The following DMD variants were observed in gnomAD, a reference collection of about 807,000 sequenced individuals.
DMD encodes the protein mutant dystrophin.
A neutral mutation model predicts 330.1 loss-of-function variants in DMD; 63 were observed. The ratio of observed to expected loss-of-function variants is 0.19; its 90% CI spans 0.16 to 0.24. The LOEUF (loss-of-function observed/expected upper bound fraction) is 0.24. Among genes scored for constraint, DMD ranks in the 10% least tolerant of loss-of-function variants. The pLI is 1.00. For synonymous variants in DMD, 1,223 were observed against 959.8 expected (o/e 1.27, Z -5.07); for missense variants, 3,344 against 2,684.1 (o/e 1.25, Z -5.43).
chrX:31,929,773 A>G, intron 46 of DMD, 28 bp from the exon 47 acceptor site: 1 of 1,207,221 alleles, frequency 8.3e-7, no homozygotes, highest in Non-Finnish European at 1.1e-6. Flanking sequence ...AACAACGTTT[A>G]AAATGAATTA....
chrX:32,881,465 T>C (rs2083935434), intron 2 of DMD, among the ~76,000 whole-genome samples: 1 of 111,974 alleles, frequency 8.9e-6, no homozygotes. Context: ...AAAAATATCT[T>C]CTATCAGAGG....
At chrX:31,351,145 TAGAC>T (rs1225955243) in intron 60 of DMD, among the ~76,000 whole-genome samples, 1 of 93,315 alleles carries the variant, frequency 1.1e-5, no homozygotes, top group Non-Finnish European at 2.0e-5. Context: ...CACACACACA[TAGAC>T]ATACATATAT....
At chrX:32,721,614 GAT>G (rs758887919) in intron 7 of DMD, among the ~76,000 whole-genome samples, 11 of 110,761 alleles carry the variant, frequency 9.9e-5, no homozygotes, top group Admixed American at 6.8e-4. Context: ...ACCCTTATCA[GAT>G]ATATGTTTTG....
intron 52 of DMD, among the ~76,000 whole-genome samples, chrX:31,695,572 A>G (rs1036519813): frequency 1.3e-5 from 1 of 79,236 alleles, no homozygotes; most frequent in Non-Finnish European, 2.3e-5. Context: ...CCAAAAAATT[A>G]AAAATAAAAA....
intron 16 of DMD, among the ~76,000 whole-genome samples, chrX:32,552,316 C>A (rs1195170074): frequency 9.0e-6 from 1 of 111,629 alleles, no homozygotes; most frequent in Non-Finnish European, 1.9e-5. Flanking sequence ...AATAAGGCTG[C>A]ACACCTACAA....
intron 7 of DMD, among the ~76,000 whole-genome samples, chrX:32,789,753 T>G (rs1459723616): frequency 8.9e-6 from 1 of 111,865 alleles, no homozygotes; most frequent in Non-Finnish European, 1.9e-5. Flanking sequence ...AGTATGGAAA[T>G]TATCTAGAAC....
intron 63 of DMD, among the ~76,000 whole-genome samples, chrX:31,249,513 G>A (rs1020999436): frequency 9.0e-6 from 1 of 111,702 alleles, no homozygotes; most frequent in Non-Finnish European, 1.9e-5. Flanking sequence ...CCAAAGTGTA[G>A]TCTTTTTTAT....
intron 9 of DMD, among the ~76,000 whole-genome samples, chrX:32,664,673 C>T (rs144120655): frequency 0.01 from 1,154 of 111,777 alleles, 16 homozygotes; most frequent in African/African-American, 0.036. Context: ...AAACTATTGA[C>T]GAAGCAGATG....
intron 7 of DMD, among the ~76,000 whole-genome samples, chrX:32,792,454 AG>A (rs1399429566): frequency 1.8e-5 from 2 of 112,187 alleles, no homozygotes; most frequent in African/African-American, 6.5e-5. Context: ...GAAAGAAATA[AG>A]CCCTCACATA....
intron 43 of DMD, among the ~76,000 whole-genome samples, chrX:32,280,121 A>T (rs1373465785): frequency 1.0e-5 from 1 of 97,728 alleles, no homozygotes; most frequent in African/African-American, 3.7e-5. Flanking sequence ...GTATATATTT[A>T]TATATGTGTG....
At chrX:32,358,329 T>C (rs908621094) in intron 37 of DMD, among the ~76,000 whole-genome samples, 7 of 110,973 alleles carry the variant, frequency 6.3e-5, no homozygotes, top group African/African-American at 2.3e-4. Context: ...CACCTTATTT[T>C]CCCGATGGTA....
At chrX:32,861,329 A>C (rs1340784221) in intron 2 of DMD, among the ~76,000 whole-genome samples, 3 of 112,163 alleles carry the variant, frequency 2.7e-5, no homozygotes, top group Admixed American at 1.9e-4. Flanking sequence ...TGAGAATTAA[A>C]AGGGTTAATA....
chrX:32,731,433 C>T (rs763597399), intron 7 of DMD, among the ~76,000 whole-genome samples: 97 of 112,845 alleles, frequency 8.6e-4, no homozygotes, highest in African/African-American at 3.0e-3. Flanking sequence ...GCCTGCCTGC[C>T]TCTGTAGGCT....
At chrX:32,980,015 A>G (rs1027488367) in intron 2 of DMD, among the ~76,000 whole-genome samples, 3 of 111,427 alleles carry the variant, frequency 2.7e-5, no homozygotes, top group Non-Finnish European at 5.6e-5. Flanking sequence ...TTGAAGAGTT[A>G]TAAACAACAG....
At position 31,310,191 on chromosome X, in the gene DMD, CTCTCTCTCTCTCTCCATAT is replaced by C. The variant is rs1569523658; in HGVS notation, c.9224+13388_9224+13406del. ...TCTTCGTTGTCCTCTCTCTCTCTCTCTCTCTCTCTCTCTCCATATATATATATATATATATGTGTGTGTG... is the reference window on the plus strand; with the variant it reads ...TCTTCGTTGTCCTCTCTCTCTCTCTCATATATATATATATATGTGTGTGTG... On this transcript the variant is annotated intron_variant, in intron 62 of 78. Coordinates refer to ENST00000357033, the MANE Select transcript of DMD (RefSeq NM_004006.3). Among the ~76,000 whole-genome samples the C allele has an allele frequency of 4.2e-4, 32 of 75,934 alleles. 1 individual carries two copies. The South Asian group carries it at 0.016, about 38-fold the overall frequency. 65.9% of individuals were successfully genotyped at this position (75,934 alleles called of 115,157 possible).
At chrX:32,258,829 G>C (rs2097310093) in intron 43 of DMD, among the ~76,000 whole-genome samples, 1 of 110,794 alleles carries the variant, frequency 9.0e-6, no homozygotes, top group Admixed American at 9.6e-5. Context: ...AAAAAGATCA[G>C]GGTAAAATAT....
At chrX:33,259,170 G>GT (rs1025422789) in intron 1 of DMD, among the ~76,000 whole-genome samples, 4 of 110,531 alleles carry the variant, frequency 3.6e-5, no homozygotes, top group East Asian at 2.8e-4. Context: ...AATAGACTTT[G>GT]TTTTTTAGAG....
At chrX:32,436,083 G>A (rs1408758931) in intron 29 of DMD, among the ~76,000 whole-genome samples, 1 of 111,953 alleles carries the variant, frequency 8.9e-6, no homozygotes, top group Admixed American at 9.5e-5. Context: ...CTATAGACTT[G>A]TTCTGGATTG....
intron 43 of DMD, among the ~76,000 whole-genome samples, chrX:32,273,248 G>C (rs1407620495): frequency 9.3e-6 from 1 of 107,977 alleles, no homozygotes; most frequent in Non-Finnish European, 1.9e-5. Flanking sequence ...AGACAAAGTT[G>C]CCCTTTTTAC....
Sources: gnomAD v4.1 joint callset for allele counts (sites outside exome capture counted in the v4.1 genomes callset) on GRCh38, gnomAD v4.1.1 for gene constraint, MANE v1.5 for transcripts, NCBI Gene and HGNC (gene_info 2026-07-23, HGNC 2026-07-21) for gene names.